The following MBP variants were observed in gnomAD, a reference collection of about 807,000 sequenced individuals.
MBP encodes the protein Golli-MBP.
In MBP, 16 loss-of-function variants were observed where a neutral mutation model predicts 35.8. That is an observed-to-expected ratio of 0.45 (90% CI 0.30 to 0.68). MBP has a LOEUF of 0.68. Among genes scored for constraint, MBP ranks in the 30% least tolerant of loss-of-function variants. MBP has a pLI of 0.08. For missense variants in MBP, 380 were observed against 404.7 expected (o/e 0.94, Z 0.52); for synonymous variants, 143 against 159.6 (o/e 0.90, Z 0.78).
At chr18:77,106,171 C>A (rs967247792) in intron 1 of MBP, among the ~76,000 whole-genome samples, 3 of 152,210 alleles carry the variant, frequency 2.0e-5, no homozygotes, top group Admixed American at 6.5e-5. Flanking sequence ...CCAGGAACAG[C>A]TTTCCTTGAG....
intron 2 of MBP, among the ~76,000 whole-genome samples, chr18:77,080,790 TCTC>T (rs1974863458): frequency 6.6e-6 from 1 of 152,114 alleles, no homozygotes; most frequent in Admixed American, 6.5e-5. Flanking sequence ...TTCGAGCAAT[TCTC>T]CTGCCTCAGC....
At chr18:77,033,394 A>G (rs988664209) in intron 3 of MBP, among the ~76,000 whole-genome samples, 2 of 152,140 alleles carry the variant, frequency 1.3e-5, no homozygotes, top group South Asian at 2.1e-4. Flanking sequence ...TCCCCCATGC[A>G]TTGCTCTGAT....
chr18:77,068,866 T>C, intron 2 of MBP: 1 of 418,374 alleles, frequency 2.4e-6, no homozygotes. Flanking sequence ...GGAGGGAAAC[T>C]TTCCTGGGAC....
intron 3 of MBP, among the ~76,000 whole-genome samples, chr18:77,064,862 G>C (rs1198883811): frequency 6.6e-6 from 1 of 152,094 alleles, no homozygotes. Context: ...TTTTTCCTTC[G>C]ACCTATAGTG....
intron 3 of MBP, among the ~76,000 whole-genome samples, chr18:77,054,276 G>A (rs546076445): frequency 6.6e-5 from 10 of 152,366 alleles, no homozygotes; most frequent in African/African-American, 2.2e-4. Context: ...CACCTGCGCT[G>A]ACACAGCTGC....
rs202100738 is a variant in MBP, at chr18:77,041,617, T to C, written c.140-24349A>G. Among the ~76,000 whole-genome samples, 67 of 152,194 alleles carry C rather than the reference T, an allele frequency of 4.4e-4. 1 individual carries two copies. The East Asian group carries it at 7.3e-3, about 17-fold the overall frequency. ...GCAGCCATAAAAAATGATGAGTTCA[T>C]GTCCTTTGTGGGGACATGGATGAAG... On this transcript the variant is annotated intron_variant, in intron 3 of 8. Coordinates refer to ENST00000355994, the MANE Select transcript of MBP (RefSeq NM_001025101.2).
At chr18:77,085,972 G>A (rs1975214746) in intron 2 of MBP, among the ~76,000 whole-genome samples, 1 of 152,048 alleles carries the variant, frequency 6.6e-6, no homozygotes, top group Admixed American at 6.6e-5. Context: ...GTGAACCACC[G>A]CGCCCGGCCC....
chr18:77,122,731 C>T (rs543031888), intron 1 of MBP, among the ~76,000 whole-genome samples: 14 of 152,202 alleles, frequency 9.2e-5, no homozygotes, highest in African/African-American at 2.9e-4. Context: ...TCAGTAGAGA[C>T]AGGGTTTCAC....
intron 2 of MBP, among the ~76,000 whole-genome samples, chr18:77,081,635 C>T (rs1974902124): frequency 6.6e-6 from 1 of 151,742 alleles, no homozygotes; most frequent in Non-Finnish European, 1.5e-5. Context: ...GGCAGTTCCT[C>T]AAAAACTGAA....
chr18:77,084,443 ACAC>A (rs1975136735), intron 2 of MBP, among the ~76,000 whole-genome samples: 1 of 146,970 alleles, frequency 6.8e-6, no homozygotes, highest in Admixed American at 6.8e-5. Flanking sequence ...ACACACACAC[ACAC>A]ACACACACAC....
At position 77,019,032 on chromosome 18, in the gene MBP, TCATCCATCCATCCATC is replaced by T. The variant is rs10526394; in HGVS notation, c.140-1780_140-1765del. Among the ~76,000 whole-genome samples, 264 of 138,780 alleles carry T rather than the reference TCATCCATCCATCCATC, an allele frequency of 1.9e-3. 2 individuals carry two copies. Among genetic ancestry groups the T allele is most frequent in the African/African-American group, 2.1e-3 (76 of 35,630 alleles). 91.0% of individuals were successfully genotyped at this position (138,780 alleles called of 152,430 possible). Reference sequence around the variant, plus strand: ...TGTATCCATCTATTTACCTACCTGTTCATCCATCCATCCATCCATCCATCCATCCATCCATCCATCC... The same window carrying T: ...TGTATCCATCTATTTACCTACCTGTTCATCCATCCATCCATCCATCCATCC... On this transcript the variant is annotated intron_variant, in intron 3 of 8. Transcript: ENST00000355994.
intron 4 of MBP, among the ~76,000 whole-genome samples, chr18:77,000,395 T>C (rs1188132317): frequency 2.6e-5 from 4 of 152,226 alleles, no homozygotes; most frequent in Admixed American, 2.0e-4. Flanking sequence ...TGTTGGGGCC[T>C]CTTCCTATCA....
At chr18:76,982,296 T>G (rs942992238) in intron 8 of MBP, 3 of 152,252 alleles carry the variant, frequency 2.0e-5, no homozygotes, top group Non-Finnish European at 4.4e-5. Context: ...TCTCAGCATC[T>G]GATCCACCCT....
chr18:77,011,912 G>T (rs980410168), intron 4 of MBP, among the ~76,000 whole-genome samples: 1 of 152,158 alleles, frequency 6.6e-6, no homozygotes, highest in Non-Finnish European at 1.5e-5. Context: ...GCTATTGTGT[G>T]TTTTTTTCTA....
At chr18:77,104,914 T>A (rs1976201998) in intron 2 of MBP, among the ~76,000 whole-genome samples, 1 of 152,126 alleles carries the variant, frequency 6.6e-6, no homozygotes, top group African/African-American at 2.4e-5. Flanking sequence ...GTGTCTCTTT[T>A]TTCCTCCCTT....
In MBP at chr18:77,044,043, T is replaced by C. The variant is rs111997564; in HGVS notation, c.139+22255A>G. ...GCTCTCTGCCTCTCTGCCTCCTCCC[T>C]GGAGGCCGTGCAAATCCTGTTCTCC... On this transcript the variant is annotated intron_variant, in intron 3 of 8. Transcript: ENST00000355994. This position sits in a 1 kb window ranked among gnomAD's most constrained non-coding sequence, Gnocchi z 4.4. 0.012 allele frequency among the ~76,000 whole-genome samples: 1,602 copies of C among 130,014 alleles called. 42 individuals carry two copies. Among genetic ancestry groups the C allele is most frequent in the African/African-American group, 0.038 (1,503 of 39,042 alleles). The allele number at this position is 130,014 out of a possible 152,430, so 85.3% of individuals were successfully genotyped here.
At chr18:77,115,751 T>C (rs1004852870) in intron 1 of MBP, 27 of 152,208 alleles carry the variant, frequency 1.8e-4, no homozygotes, top group African/African-American at 5.8e-4. Context: ...AATCTCAGCA[T>C]GGTCCTGCAG....
chr18:77,001,816 C>T (rs1371575103), intron 4 of MBP, among the ~76,000 whole-genome samples: 2 of 152,170 alleles, frequency 1.3e-5, no homozygotes, highest in Non-Finnish European at 2.9e-5. Context: ...AGCCACTGCA[C>T]TCCAGCCTGG....
rs1478343152 is a variant in MBP, at chr18:77,131,263, G to A, written c.-26+1317C>T. The stretch of plus-strand genomic sequence containing the variant: ...AGGTGGCCGCCAGGGAGCTCAGTGC[G>A]GGACCTGCTCAATCCATACGGTCCC... On this transcript the variant is annotated intron_variant, in intron 1 of 8. Transcript: ENST00000355994. The surrounding 1 kb of genome is among the most constrained non-coding windows in gnomAD (Gnocchi z 5.5). Among the ~76,000 whole-genome samples the A allele has an allele frequency of 6.6e-6, 1 of 152,108 alleles. No individual in the cohort carries two copies. Among genetic ancestry groups the A allele is most frequent in the East Asian group, 1.9e-4 (1 of 5,174 alleles).
Sources: gnomAD v4.1 joint callset for allele counts (sites outside exome capture counted in the v4.1 genomes callset) on GRCh38, gnomAD v4.1.1 for gene constraint, Gnocchi (gnomAD v3.1) non-coding constraint, MANE v1.5 for transcripts, NCBI Gene and HGNC (gene_info 2026-07-23, HGNC 2026-07-21) for gene names.